CHST11: variants seen among roughly 807,000 people sequenced by gnomAD.
The protein encoded by CHST11 is C4S-1.
Under a neutral mutation model 30.4 loss-of-function variants are expected in CHST11, and 9 were observed. The observed-to-expected ratio is 0.30, with a 90% CI of 0.18 to 0.52. The LOEUF (loss-of-function observed/expected upper bound fraction) is 0.52. Among genes scored for constraint, CHST11 ranks in the 20% least tolerant of loss-of-function variants. The pLI, the probability that CHST11 is intolerant of heterozygous loss-of-function variation, is 0.97. For synonymous variants in CHST11, 152 were observed against 187.8 expected, an observed-to-expected ratio of 0.81 and a Z score of 1.56; for missense variants, 348 against 460.6, an observed-to-expected ratio of 0.76 and a Z score of 2.24.
intron 1 of CHST11, among the ~76,000 whole-genome samples, chr12:104,513,138 T>TGGGGGGGGGGGGGGGGGGGGGGGGG (rs1565969843): frequency 3.0e-4 from 1 of 3,340 alleles, no homozygotes. Context: ...GGGGGGGGGG[T>TGGGGGGGGGGGGGGGGGGGGGGGGG]TGGGGGTGGG....
intron 2 of CHST11, among the ~76,000 whole-genome samples, chr12:104,741,054 C>T (rs1274533150): frequency 3.3e-5 from 5 of 152,266 alleles, no homozygotes; most frequent in Non-Finnish European, 5.9e-5. Context: ...TTTCTGAATT[C>T]TGCAAGTATT....
At chr12:104,457,785 GTTT>G (rs35612022) in intron 1 of CHST11, among the ~76,000 whole-genome samples, 35 of 137,666 alleles carry the variant, frequency 2.5e-4, no homozygotes, top group African/African-American at 7.9e-4. Flanking sequence ...AGGGGCGGTA[GTTT>G]TTTTTTTTTT....
At chr12:104,662,588 G>T (rs962115524) in intron 2 of CHST11, among the ~76,000 whole-genome samples, 6 of 152,112 alleles carry the variant, frequency 3.9e-5, no homozygotes, top group Non-Finnish European at 7.3e-5. Flanking sequence ...GCTTTCTGGA[G>T]TCAGAAATTC....
At chr12:104,642,161 A>G (rs1483781036) in intron 2 of CHST11, among the ~76,000 whole-genome samples, 2 of 152,168 alleles carry the variant, frequency 1.3e-5, no homozygotes, top group South Asian at 2.1e-4. Context: ...TGTTCACAGT[A>G]GTGAGAAATT....
intron 1 of CHST11, among the ~76,000 whole-genome samples, chr12:104,580,947 C>T (rs1420665222): frequency 2.0e-5 from 3 of 152,148 alleles, no homozygotes; most frequent in African/African-American, 4.8e-5. Context: ...ATACACTCAT[C>T]GTGAAAAGCA....
chr12:104,752,123 C>T (rs1165100357), intron 2 of CHST11, among the ~76,000 whole-genome samples: 1 of 152,182 alleles, frequency 6.6e-6, no homozygotes, highest in Non-Finnish European at 1.5e-5. Context: ...GTTGGCAGGG[C>T]ATGCTCTCTC....
At chr12:104,637,871 C>G (rs898752029) in intron 2 of CHST11, among the ~76,000 whole-genome samples, 1 of 152,160 alleles carries the variant, frequency 6.6e-6, no homozygotes, top group African/African-American at 2.4e-5. Context: ...CACCCCCCCA[C>G]CCCAAATCAG....
intron 1 of CHST11, among the ~76,000 whole-genome samples, chr12:104,547,666 A>T (rs1225897202): frequency 6.6e-6 from 1 of 152,178 alleles, no homozygotes; most frequent in East Asian, 1.9e-4. Flanking sequence ...TGACACCAGC[A>T]CACTCTGGTG....
At chr12:104,498,029 G>A (rs1040731014) in intron 1 of CHST11, among the ~76,000 whole-genome samples, 3 of 146,390 alleles carry the variant, frequency 2.0e-5, no homozygotes, top group South Asian at 2.2e-4. Flanking sequence ...AGCAATTCTC[G>A]TGCCTCAGCC....
intron 2 of CHST11, among the ~76,000 whole-genome samples, chr12:104,717,005 A>C (rs1419727192): frequency 6.6e-6 from 1 of 152,152 alleles, no homozygotes; most frequent in African/African-American, 2.4e-5. Flanking sequence ...TGGCCAGTCA[A>C]GTCCTTCTTG....
At chr12:104,513,139 T>TGGGGGGGGG (rs1565969846) in intron 1 of CHST11, among the ~76,000 whole-genome samples, 12 of 2,930 alleles carry the variant, frequency 4.1e-3, no homozygotes, top group African/African-American at 7.4e-3. Context: ...GGGGGGGGGT[T>TGGGGGGGGG]GGGGGTGGGG....
At chr12:104,464,225 A>G (rs1015575263) in intron 1 of CHST11, among the ~76,000 whole-genome samples, 20 of 151,590 alleles carry the variant, frequency 1.3e-4, no homozygotes, top group African/African-American at 4.6e-4. Flanking sequence ...GCACCACCAC[A>G]CCTGGCTAAT....
chr12:104,692,449 A>G (rs2039904870), intron 2 of CHST11, among the ~76,000 whole-genome samples: 1 of 152,188 alleles, frequency 6.6e-6, no homozygotes, highest in South Asian at 2.1e-4. Flanking sequence ...ATATTAACCC[A>G]CTGAAGCCTT....
At chr12:104,548,088 A>G (rs2038368312) in intron 1 of CHST11, among the ~76,000 whole-genome samples, 3 of 152,206 alleles carry the variant, frequency 2.0e-5, no homozygotes, top group South Asian at 4.1e-4. Context: ...AACCAAACGT[A>G]TCTTAATTGA....
intron 1 of CHST11, among the ~76,000 whole-genome samples, chr12:104,489,601 C>T (rs938588601): frequency 2.0e-5 from 3 of 152,148 alleles, no homozygotes; most frequent in Non-Finnish European, 4.4e-5. Flanking sequence ...GCCTCAGCCT[C>T]CTGAGTAGCT....
chr12:104,730,623 T>C (rs1215992275), intron 2 of CHST11, among the ~76,000 whole-genome samples: 5 of 151,928 alleles, frequency 3.3e-5, no homozygotes, highest in African/African-American at 1.2e-4. Flanking sequence ...AGACACTTGG[T>C]TGGATCTTGA....
intron 2 of CHST11, among the ~76,000 whole-genome samples, chr12:104,755,053 C>T (rs986529974): frequency 3.9e-5 from 6 of 152,316 alleles, no homozygotes; most frequent in Admixed American, 3.9e-4. Context: ...GCAATGGCTT[C>T]TCCCTGGTGG....
chr12:104,649,468 C>A (rs1004693557), intron 2 of CHST11, among the ~76,000 whole-genome samples: 2 of 152,124 alleles, frequency 1.3e-5, no homozygotes, highest in African/African-American at 4.8e-5. Context: ...TGGAAAGGCT[C>A]AGTATCTGCC....
rs527589183 is a variant in CHST11, at chr12:104,458,948, C to T, written c.118+1419C>T. Among the ~76,000 whole-genome samples, 1 of 152,318 alleles carries T rather than the reference C, an allele frequency of 6.6e-6. No homozygotes were observed. Among genetic ancestry groups the T allele is most frequent in the South Asian group, 2.1e-4 (1 of 4,824 alleles). ...ATCAAACAGGCAGGGCTGCAGGCTG[C>T]AGATTCCTTGACAGCGCAGGGACAG... On this transcript the variant is annotated intron_variant, in intron 1 of 2. Transcript: ENST00000303694. The surrounding 1 kb of genome is among the most constrained non-coding windows in gnomAD (Gnocchi z 5.7).
Sources: allele counts gnomAD v4.1 joint callset (sites outside exome capture counted in the v4.1 genomes callset), GRCh38; gene constraint gnomAD v4.1.1; non-coding constraint Gnocchi (gnomAD v3.1); transcripts MANE v1.5; gene names NCBI Gene and HGNC (gene_info 2026-07-23, HGNC 2026-07-21).